AGPAT3: variants seen among roughly 807,000 people sequenced by gnomAD.
AGPAT3 encodes 1-acylglycerol-3-phosphate O-acyltransferase 3.
AGPAT3 carries 5 observed loss-of-function variants against 47.3 expected under a neutral mutation model. The ratio of observed to expected loss-of-function variants is 0.11; its 90% CI spans 0.06 to 0.22. The LOEUF is 0.22. Among genes scored for constraint, AGPAT3 ranks in the 10% least tolerant of loss-of-function variants. The pLI is 1.00. For missense variants in AGPAT3, 315 were observed against 493.0 expected (o/e 0.64, Z 3.42); for synonymous variants, 212 against 208.3 (o/e 1.02, Z -0.15).
chr21:43,883,883 T>G lies in AGPAT3; in HGVS notation c.-112+18538T>G, dbSNP rs370361090. Reference sequence around the variant, plus strand: ...TGCTGGGATTACAGGTGAGAGCCACTGTGCCTAGCTAATTTTGTATTTTTA... The same window carrying G: ...TGCTGGGATTACAGGTGAGAGCCACGGTGCCTAGCTAATTTTGTATTTTTA... On this transcript the variant is annotated intron_variant, in intron 1 of 9. Transcript: ENST00000291572. Among the ~76,000 whole-genome samples, 28 of 152,146 alleles carry G rather than the reference T, an allele frequency of 1.8e-4. 1 individual carries two copies. The East Asian group carries it at 3.5e-3, about 19-fold the overall frequency.
At chr21:43,949,577 G>C (rs2088083927) in intron 2 of AGPAT3, among the ~76,000 whole-genome samples, 1 of 152,218 alleles carries the variant, frequency 6.6e-6, no homozygotes, top group African/African-American at 2.4e-5. Context: ...AGTCAACCTG[G>C]GTTCAAAAGG....
chr21:43,876,494 A>G (rs2085736517), intron 1 of AGPAT3, among the ~76,000 whole-genome samples: 1 of 152,220 alleles, frequency 6.6e-6, no homozygotes, highest in African/African-American at 2.4e-5. Flanking sequence ...AGTGGGACTG[A>G]TCTAGAATTA....
chr21:43,882,647 C>A (rs1056960567), intron 1 of AGPAT3: 1 of 152,442 alleles, frequency 6.6e-6, no homozygotes, highest in South Asian at 2.1e-4. Context: ...TTTCAGCCCC[C>A]CTCTAAGAAC....
intron 1 of AGPAT3, among the ~76,000 whole-genome samples, chr21:43,901,142 G>C (rs562374138): frequency 2.0e-5 from 3 of 152,148 alleles, no homozygotes; most frequent in South Asian, 4.2e-4. Flanking sequence ...TCTCTAAAAA[G>C]ATATGTGTTC....
At chr21:43,927,090 G>C (rs952793232) in intron 2 of AGPAT3, among the ~76,000 whole-genome samples, 1 of 151,814 alleles carries the variant, frequency 6.6e-6, no homozygotes, top group African/African-American at 2.4e-5. Flanking sequence ...TTACAGGCAT[G>C]AGCCACCAGC....
intron 2 of AGPAT3, among the ~76,000 whole-genome samples, chr21:43,929,995 C>T (rs1222960007): frequency 1.3e-5 from 2 of 152,210 alleles, no homozygotes; most frequent in Non-Finnish European, 2.9e-5. Flanking sequence ...ACAGCCCAGG[C>T]GTGCCGGAGA....
At chr21:43,878,137 T>G (rs966952031) in intron 1 of AGPAT3, among the ~76,000 whole-genome samples, 3 of 152,054 alleles carry the variant, frequency 2.0e-5, no homozygotes, top group Non-Finnish European at 4.4e-5. Context: ...CCTGCTGATG[T>G]CAGTGTCCCC....
Position 43,955,395 on chromosome 21 carries a change from C to A in AGPAT3, c.-48-4239C>A, listed in dbSNP as rs535980763. Among the ~76,000 whole-genome samples, 4 of 152,192 alleles carry A rather than the reference C, an allele frequency of 2.6e-5. No homozygotes were observed. Among genetic ancestry groups the A allele is most frequent in the African/African-American group, 9.6e-5 (4 of 41,554 alleles). The stretch of plus-strand genomic sequence containing the variant: ...ACGCTATGCACGGACACTCGGCAAA[C>A]CCATCTTAATCGTGTGTTATTTATT... On this transcript the variant is annotated intron_variant, in intron 2 of 9. Coordinates refer to ENST00000291572, the MANE Select transcript of AGPAT3 (RefSeq NM_020132.5). This position sits in a 1 kb window ranked among gnomAD's most constrained non-coding sequence, Gnocchi z 4.1.
At chr21:43,870,661 G>A (rs1471969628) in intron 1 of AGPAT3, among the ~76,000 whole-genome samples, 1 of 152,202 alleles carries the variant, frequency 6.6e-6, no homozygotes, top group Non-Finnish European at 1.5e-5. Context: ...GGCGGACCTT[G>A]CAGTGAGCTG....
chr21:43,936,376 G>A (rs907541224), intron 2 of AGPAT3, among the ~76,000 whole-genome samples: 11 of 152,256 alleles, frequency 7.2e-5, no homozygotes, highest in Admixed American at 3.9e-4. Flanking sequence ...CACCTGCAGC[G>A]TTCGTCTGTC....
rs142187019 is a variant in AGPAT3 at position 43,964,938 on chromosome 21, T to C, written c.179-3008T>C. 1,290 of 160,350 alleles carry C rather than the reference T, an allele frequency of 8.0e-3. 17 individuals carry two copies. Among genetic ancestry groups the C allele is most frequent in the Middle Eastern group, 0.045 (15 of 330 alleles). 9.9% of individuals were successfully genotyped at this position (160,350 alleles called of 1,614,324 possible). On this transcript the variant is annotated intron_variant, in intron 3 of 9. Transcript: ENST00000291572. ...CTCACAGTGGGTTTGTTTATGTTTG[T>C]TTGTTTTTGAGACAGGGTCTTGCTC...
intron 1 of AGPAT3, among the ~76,000 whole-genome samples, chr21:43,879,103 A>C (rs1429158388): frequency 6.6e-6 from 1 of 152,064 alleles, no homozygotes. Flanking sequence ...TAATCCCAGC[A>C]CTTTGGGAGG....
intron 8 of AGPAT3, among the ~76,000 whole-genome samples, chr21:43,980,564 C>T (rs1433990188): frequency 6.6e-6 from 1 of 152,218 alleles, no homozygotes; most frequent in African/African-American, 2.4e-5. Flanking sequence ...TTTCCTTGGG[C>T]CGTGCAGCTG....
Position 43,970,631 on chromosome 21 carries a change from C to A in AGPAT3, c.511-22C>A, listed in dbSNP as rs1188086882. ...CACCCCAGCTGCTCTGTGGAGTGAC[C>A]CTGTCTCCGTGTTGATCCTAGTTTC... On this transcript the variant is annotated intron_variant, in intron 5 of 9. Transcript: ENST00000291572. The surrounding 1 kb of genome is among the most constrained non-coding windows in gnomAD (Gnocchi z 5.8). The A allele has an allele frequency of 1.9e-6, 3 of 1,612,414 alleles. No homozygotes were observed. The Admixed American group carries it at 5.0e-5, about 27-fold the overall frequency.
intron 2 of AGPAT3, among the ~76,000 whole-genome samples, chr21:43,943,141 C>T (rs1250678957): frequency 6.6e-6 from 1 of 152,140 alleles, no homozygotes; most frequent in East Asian, 1.9e-4. Context: ...GTGGAGTGAT[C>T]TCAGCTCACT....
intron 1 of AGPAT3, among the ~76,000 whole-genome samples, chr21:43,878,152 C>A (rs2085775192): frequency 6.6e-6 from 1 of 152,196 alleles, no homozygotes; most frequent in Admixed American, 6.5e-5. Flanking sequence ...GTCCCCCGAC[C>A]TCACGCTCTG....
At chr21:43,974,567 G>C (rs1235812423) in intron 7 of AGPAT3, among the ~76,000 whole-genome samples, 1 of 149,642 alleles carries the variant, frequency 6.7e-6, no homozygotes, top group Non-Finnish European at 1.5e-5. Flanking sequence ...TGTGTGTGTA[G>C]TGTGTGTATA....
rs55679757 is a variant in AGPAT3 at position 43,920,604 on chromosome 21, G to A, written c.-49+16585G>A. On this transcript the variant is annotated intron_variant, in intron 2 of 9. Transcript: ENST00000291572. This position sits in a 1 kb window ranked among gnomAD's most constrained non-coding sequence, Gnocchi z 6.1. ...CTCTGGGGAGGGGAGGGAGCCCGCA[G>A]AGGTGGAGTGGATCACCAGTGGCCG... is the stretch of plus-strand genomic sequence containing the variant. Among the ~76,000 whole-genome samples the A allele has an allele frequency of 6.6e-6, 1 of 152,134 alleles. No homozygotes were observed.
intron 1 of AGPAT3, among the ~76,000 whole-genome samples, chr21:43,896,387 T>G (rs2086218335): frequency 6.6e-6 from 1 of 152,232 alleles, no homozygotes; most frequent in South Asian, 2.1e-4. Context: ...AAATGTTCTG[T>G]GTGTCTTTGA....
Sources: gnomAD v4.1 joint callset for allele counts (sites outside exome capture counted in the v4.1 genomes callset) on GRCh38, gnomAD v4.1.1 for gene constraint, Gnocchi (gnomAD v3.1) non-coding constraint, MANE v1.5 for transcripts, NCBI Gene and HGNC (gene_info 2026-07-23, HGNC 2026-07-21) for gene names.